Variants in AP1B1 observed in about 807,000 individuals in gnomAD.
The protein encoded by AP1B1 is AP-1 complex subunit beta-1.
AP1B1 carries 36 observed loss-of-function variants against 104.3 expected under a neutral mutation model. The observed-to-expected ratio is 0.35, with a 90% CI of 0.26 to 0.46. The LOEUF (loss-of-function observed/expected upper bound fraction) is 0.46. Ranked by LOEUF, AP1B1 falls within the 20% of genes least tolerant of loss-of-function variation. The pLI, the probability that AP1B1 is intolerant of heterozygous loss-of-function variation, is 1.00. For synonymous variants in AP1B1, 504 were observed against 517.5 expected (o/e 0.97, Z 0.35); for missense variants, 901 against 1,247.9 (o/e 0.72, Z 4.19).
intron 7 of AP1B1, among the ~76,000 whole-genome samples, chr22:29,353,136 T>A (rs1274152449): frequency 6.6e-6 from 1 of 152,184 alleles, no homozygotes; most frequent in Non-Finnish European, 1.5e-5. Flanking sequence ...CCTCTGCCTC[T>A]GACTCCTACT....
chr22:29,384,142 G>A (rs527879886), intron 1 of AP1B1, among the ~76,000 whole-genome samples: 6 of 152,268 alleles, frequency 3.9e-5, no homozygotes, highest in African/African-American at 1.4e-4. Context: ...CATGCCTGAA[G>A]GGTTTGTGAG....
At chr22:29,343,073 C>T (rs73884716) in intron 11 of AP1B1, among the ~76,000 whole-genome samples, 127 of 152,364 alleles carry the variant, frequency 8.3e-4, no homozygotes, top group African/African-American at 1.8e-3. Flanking sequence ...TGCTTACTGT[C>T]GTGTCACTAA....
intron 4 of AP1B1, 72 bp from the exon 5 acceptor site, chr22:29,359,043 T>G: frequency 6.9e-7 from 1 of 1,456,544 alleles, no homozygotes; most frequent in Non-Finnish European, 9.2e-7. Context: ...CTCCCTGGCC[T>G]GCAGCTCTGA....
chr22:29,334,176 C>T (rs2061603473), intron 17 of AP1B1, 89 bp downstream of exon 17: 3 of 1,364,076 alleles, frequency 2.2e-6, no homozygotes, highest in East Asian at 5.1e-5. Flanking sequence ...ACAGCCCCCA[C>T]CCCTGCCTGC....
At position 29,328,326 on chromosome 22, in the gene AP1B1, T is replaced by A. The variant is rs1163557403; in HGVS notation, c.*495A>T. ...CTGCCCCTCTGCCGGCACCTACAGC[T>A]CCTTGAGCCCCAGGCCCTAAGTGAG... On this transcript the variant is annotated 3_prime_UTR_variant, in exon 23 of 23. Transcript: ENST00000357586. This position sits in a 1 kb window ranked among gnomAD's most constrained non-coding sequence, Gnocchi z 4.1. 6.5e-6 allele frequency: 1 copy of A among 154,804 alleles called. No individual in the cohort carries two copies. The highest frequency in any genetic ancestry group is 1.4e-5 in the Non-Finnish European group (1 of 69,804). The allele number at this position is 154,804 out of a possible 1,614,324, so 9.6% of individuals were successfully genotyped here.
Position 29,331,892 on chromosome 22 carries a change from G to C in AP1B1, c.2334C>G (p.Pro778=), listed in dbSNP as rs138608403. 2.2e-4 allele frequency: 347 copies of C among 1,611,852 alleles called. No homozygotes were observed. The African/African-American group carries it at 2.7e-3, about 12-fold the overall frequency. ...RNSFGLAPAA[P]LQVHAPLSPN... ...GGCTGAGTGGCGCGTGGACCTGGAG[G>C]GGGGCGGCGGGGGCCAGGCCAAAGC... The change falls in exon 18 of 23, where the codon CCC becomes CCG. Residue 778 remains proline (P), a synonymous_variant. Transcript: ENST00000357586.
At chr22:29,330,131 C>T in intron 21 of AP1B1, 1 of 1,425,694 alleles carries the variant, frequency 7.0e-7, no homozygotes, top group South Asian at 1.5e-5. Context: ...CACCACCTTA[C>T]AGGGCCCAAT....
Position 29,351,722 on chromosome 22 carries a change from G to A in AP1B1, c.1042C>T (p.Gln348Ter). ...CAGCTGACCTGGGCGATGTTGGCCT[G>A]AGAGGCCAGGCGGATCATGATGTCC... ...KLDIMIRLAS[Q>*]ANIAQVLAEL... is the part of the protein sequence containing the mutation. Residue 348 changes from glutamine to a stop codon, truncating the protein, a stop_gained, in exon 8 of 23, where the codon CAG (glutamine) becomes TAG (stop). Transcript: ENST00000357586. LOFTEE classifies it high-confidence loss of function. 2 of 1,614,058 alleles carry A rather than the reference G, an allele frequency of 1.2e-6. No homozygotes were observed. Among genetic ancestry groups the A allele is most frequent in the Non-Finnish European group, 1.7e-6 (2 of 1,180,030 alleles).
In AP1B1 at chr22:29,327,705, T is replaced by C. The variant is rs1466033675; in HGVS notation, c.*1116A>G. 1.3e-5 allele frequency: 2 copies of C among 152,176 alleles called. No individual in the cohort carries two copies. Among genetic ancestry groups the C allele is most frequent in the Non-Finnish European group, 2.9e-5 (2 of 68,042 alleles). The allele number at this position is 152,176 out of a possible 1,614,324, so 9.4% of individuals were successfully genotyped here. On this transcript the variant is annotated 3_prime_UTR_variant, in exon 23 of 23. Coordinates refer to ENST00000357586, the MANE Select transcript of AP1B1 (RefSeq NM_001127.4). ...TTGATGTCATCATTTTTATTCATTT[T>C]CTCTTTCTGAAAATAAGAGTAAACA... is the stretch of plus-strand genomic sequence containing the variant.
At chr22:29,362,559 C>G (rs943410286) in intron 3 of AP1B1, among the ~76,000 whole-genome samples, 6 of 152,134 alleles carry the variant, frequency 3.9e-5, no homozygotes, top group Non-Finnish European at 5.9e-5. Context: ...ATTGGCCAGG[C>G]TGGTGTCGAA....
rs554169261 is a variant in AP1B1, at chr22:29,349,112, G to A, written c.1437+106C>T. On this transcript the variant is annotated intron_variant, in intron 11 of 22. Coordinates refer to ENST00000357586, the MANE Select transcript of AP1B1 (RefSeq NM_001127.4). ...GCGCACATCACTCATCTGTCTGTCA[G>A]GGCTGTTTACGAGGTAATAGGAAGG... 3.6e-4 allele frequency: 487 copies of A among 1,345,262 alleles called. 3 individuals carry two copies. In the South Asian group the frequency reaches 4.8e-3, roughly 13 times the overall value. 83.3% of individuals were successfully genotyped at this position (1,345,262 alleles called of 1,614,324 possible).
intron 11 of AP1B1, among the ~76,000 whole-genome samples, chr22:29,343,616 A>T (rs1162537194): frequency 9.9e-5 from 15 of 152,180 alleles, no homozygotes; most frequent in Admixed American, 6.5e-4. Flanking sequence ...TACTTCAGGG[A>T]TTCTTGTGAG....
intron 11 of AP1B1, among the ~76,000 whole-genome samples, chr22:29,344,314 C>T (rs557012744): frequency 6.6e-6 from 1 of 152,012 alleles, no homozygotes; most frequent in African/African-American, 2.4e-5. Context: ...GCTGTATTGC[C>T]AGAGGGAGGT....
intron 22 of AP1B1, 68 bp downstream of exon 22, chr22:29,329,644 G>A: frequency 6.2e-7 from 1 of 1,608,388 alleles, no homozygotes. Context: ...GACATGGGGT[G>A]CATGGGGGCC....
intron 17 of AP1B1, 89 bp downstream of exon 17, chr22:29,334,176 C>A (rs2061603473): frequency 2.9e-6 from 4 of 1,364,186 alleles, no homozygotes; most frequent in Non-Finnish European, 3.9e-6. Context: ...ACAGCCCCCA[C>A]CCCTGCCTGC....
chr22:29,332,994 C>A (rs2061584178), intron 17 of AP1B1, among the ~76,000 whole-genome samples: 1 of 152,234 alleles, frequency 6.6e-6, no homozygotes, highest in Non-Finnish European at 1.5e-5. Flanking sequence ...GCCTGGGTGC[C>A]CAGGAAGCAT....
intron 16 of AP1B1, among the ~76,000 whole-genome samples, chr22:29,338,614 A>C (rs1364492294): frequency 6.6e-6 from 1 of 152,200 alleles, no homozygotes; most frequent in African/African-American, 2.4e-5. Flanking sequence ...ACAATGTAAA[A>C]TGTCTATGAT....
At chr22:29,350,269 G>A in intron 9 of AP1B1, 119 bp from the exon 10 acceptor site, 2 of 701,684 alleles carry the variant, frequency 2.9e-6, no homozygotes, top group Non-Finnish European at 5.0e-6. Flanking sequence ...CCTCATCACA[G>A]TGGGAAAACA....
intron 1 of AP1B1, among the ~76,000 whole-genome samples, chr22:29,379,102 C>T (rs1301966431): frequency 6.6e-6 from 1 of 152,110 alleles, no homozygotes; most frequent in African/African-American, 2.4e-5. Flanking sequence ...GCCTGTAATC[C>T]CAGCACTTTA....
Sources: allele counts gnomAD v4.1 joint callset (sites outside exome capture counted in the v4.1 genomes callset), GRCh38; gene constraint gnomAD v4.1.1; non-coding constraint Gnocchi (gnomAD v3.1); transcripts MANE v1.5; gene names NCBI Gene and HGNC (gene_info 2026-07-23, HGNC 2026-07-21).